MFAP3: variants seen among roughly 807,000 people sequenced by gnomAD.
MFAP3 encodes the protein microfibril-associated glycoprotein 3.
In MFAP3, 8 loss-of-function variants were observed where a neutral mutation model predicts 20.5. The ratio of observed to expected loss-of-function variants is 0.39; its 90% CI spans 0.23 to 0.70. MFAP3 has a LOEUF of 0.70. MFAP3 is among the 30% of genes least tolerant of loss of function. MFAP3 has a pLI of 0.44. For synonymous variants in MFAP3, 140 were observed against 154.0 expected (o/e 0.91, Z 0.67); for missense variants, 398 against 444.6 (o/e 0.90, Z 0.94).
chr5:154,053,623 C>A lies in MFAP3; in HGVS notation c.999C>A (p.Gly333=), dbSNP rs377547695. The A allele has an allele frequency of 4.2e-5, 68 of 1,613,816 alleles. No homozygotes were observed. Among genetic ancestry groups the A allele is most frequent in the Non-Finnish European group, 5.7e-5 (67 of 1,179,914 alleles). Residue 333 remains glycine, a synonymous_variant, in exon 3 of 3, where the codon GGC becomes GGA. Coordinates refer to ENST00000522782, the MANE Select transcript of MFAP3 (RefSeq NM_005927.5). Reference sequence around the variant, plus strand: ...AAAGTATTGATACAGAGTCTCAAGGCAGCAGTCATTTCAGTCCACCTGATG... The same window carrying A: ...AAAGTATTGATACAGAGTCTCAAGGAAGCAGTCATTTCAGTCCACCTGATG... ...ETKSIDTESQ[G]SSHFSPPDDI... is the part of the protein sequence containing the mutation.
At position 154,053,499 on chromosome 5, in the gene MFAP3, G is replaced by C. The variant is rs369100665; in HGVS notation, c.875G>C (p.Arg292Pro). ...GIYVINPEMG[R>P]SNSPGGDSDD... Reference sequence around the variant, plus strand: ...TATGTCATTAACCCAGAGATGGGACGGAGTAATTCACCAGGAGGAGATTCA... The same window carrying C: ...TATGTCATTAACCCAGAGATGGGACCGAGTAATTCACCAGGAGGAGATTCA... The change falls in exon 3 of 3, where the codon CGG (arginine) becomes CCG (proline). Residue 292 changes from arginine (R) to proline (P), a missense_variant. Physicochemically the swap from Arg to Pro is moderately radical, Grantham distance 103. Transcript: ENST00000522782. 6.2e-7 allele frequency: 1 copy of C among 1,613,726 alleles called. No individual in the cohort carries two copies. Among genetic ancestry groups the C allele is most frequent in the Non-Finnish European group, 8.5e-7 (1 of 1,179,944 alleles).
At chr5:154,043,441 C>T (rs955813049) in intron 1 of MFAP3, among the ~76,000 whole-genome samples, 1 of 151,986 alleles carries the variant, frequency 6.6e-6, no homozygotes, top group African/African-American at 2.4e-5. Flanking sequence ...ATCCCAGTTA[C>T]TTGCGAGGCT....
chr5:154,053,754 T>G lies in MFAP3; in HGVS notation c.*41T>G. 1 of 1,524,510 alleles carries G rather than the reference T, an allele frequency of 6.6e-7. No individual in the cohort carries two copies. Among genetic ancestry groups the G allele is most frequent in the South Asian group, 1.3e-5 (1 of 77,750 alleles). 94.4% of individuals were successfully genotyped at this position (1,524,510 alleles called of 1,614,324 possible). A position where few individuals can be genotyped will look rare whatever the true frequency, so the allele number is the denominator to read the frequency against. On this transcript the variant is annotated 3_prime_UTR_variant, in exon 3 of 3. Transcript: ENST00000522782. Reference sequence around the variant, plus strand: ...CCCAGTACCTACAAAATCAGCTCGCTCTCAGAAAAGGAACCTGTTTCTTAG... The same window carrying G: ...CCCAGTACCTACAAAATCAGCTCGCGCTCAGAAAAGGAACCTGTTTCTTAG...
At position 154,049,934 on chromosome 5, in the gene MFAP3, T is replaced by A. The variant is rs758486016; in HGVS notation, c.212T>A (p.Ile71Asn). The A allele has an allele frequency of 1.2e-6, 2 of 1,613,516 alleles. No individual in the cohort carries two copies. The highest frequency in any genetic ancestry group is 1.1e-5 in the South Asian group (1 of 91,076). Reference protein sequence around the residue: ...IIAKEGTSVSIECLLTASHYE... With the variant: ...IIAKEGTSVSNECLLTASHYE... ...GCCAAAGAGGGAACTAGCGTTTCAATTGAGTGTCTTCTCACAGCCAGTCAC... is the reference window on the plus strand; with the variant it reads ...GCCAAAGAGGGAACTAGCGTTTCAAATGAGTGTCTTCTCACAGCCAGTCAC... The change falls in exon 2 of 3, where the codon ATT becomes AAT. Residue 71 changes from isoleucine to asparagine, a missense_variant. By Grantham distance (149) the Ile-to-Asn change is moderately radical. Coordinates refer to ENST00000522782, the MANE Select transcript of MFAP3 (RefSeq NM_005927.5).
chr5:154,040,325 C>T (rs1325999387), intron 1 of MFAP3, among the ~76,000 whole-genome samples: 2 of 152,068 alleles, frequency 1.3e-5, no homozygotes, highest in African/African-American at 4.8e-5. Context: ...AGGATATTTT[C>T]CAAAATGAAA....
intron 1 of MFAP3, among the ~76,000 whole-genome samples, chr5:154,047,165 G>A (rs1773085433): frequency 6.6e-6 from 1 of 152,236 alleles, no homozygotes; most frequent in South Asian, 2.1e-4. Flanking sequence ...TGCACCTGAA[G>A]AATAGGTGCT....
rs772493703 is a variant in MFAP3, at chr5:154,053,304, A to G, written c.680A>G (p.Glu227Gly). 1 of 1,614,002 alleles carries G rather than the reference A, an allele frequency of 6.2e-7. No individual in the cohort carries two copies. Among genetic ancestry groups the G allele is most frequent in the Non-Finnish European group, 8.5e-7 (1 of 1,179,932 alleles). ...LAKVTQFKTM[E>G]FARYIEELAR... ...AAAGTCACACAATTTAAGACCATGG[A>G]GTTTGCTCGTTATATTGAAGAACTG... is the stretch of plus-strand genomic sequence containing the variant. Residue 227 changes from glutamate (E) to glycine (G), a missense_variant, in exon 3 of 3, where the codon GAG becomes GGG. Transcript: ENST00000522782.
intron 1 of MFAP3, among the ~76,000 whole-genome samples, chr5:154,043,798 T>C (rs1246233243): frequency 1.3e-5 from 2 of 151,964 alleles, no homozygotes; most frequent in Non-Finnish European, 2.9e-5. Context: ...GCATCTAATA[T>C]ACCTGCCTTA....
chr5:154,042,613 C>A (rs1408265294), intron 1 of MFAP3, among the ~76,000 whole-genome samples: 7 of 152,112 alleles, frequency 4.6e-5, no homozygotes, highest in African/African-American at 1.7e-4. Flanking sequence ...TTATTCTTTG[C>A]AAAGGGTAGG....
Position 154,053,651 on chromosome 5 carries a change from A to G in MFAP3, c.1027A>G (p.Ile343Val). 4 of 1,613,952 alleles carry G rather than the reference A, an allele frequency of 2.5e-6. No individual in the cohort carries two copies. Among genetic ancestry groups the G allele is most frequent in the Non-Finnish European group, 3.4e-6 (4 of 1,179,900 alleles). Residue 343 changes from isoleucine (I) to valine (V), a missense_variant, in exon 3 of 3, where the codon ATA becomes GTA. Transcript: ENST00000522782. ...GSSHFSPPDD[I>V]GSAESNCNYK... Reference sequence around the variant, plus strand: ...CAGTCATTTCAGTCCACCTGATGATATAGGATCTGCAGAATCTAACTGTAA... The same window carrying G: ...CAGTCATTTCAGTCCACCTGATGATGTAGGATCTGCAGAATCTAACTGTAA...
chr5:154,051,450 G>A (rs1773190947), intron 2 of MFAP3, among the ~76,000 whole-genome samples: 1 of 152,188 alleles, frequency 6.6e-6, no homozygotes, highest in Non-Finnish European at 1.5e-5. Flanking sequence ...TAAATTTTAT[G>A]AATCTCAAGT....
intron 1 of MFAP3, among the ~76,000 whole-genome samples, chr5:154,045,130 C>T (rs1424720601): frequency 6.6e-6 from 1 of 152,114 alleles, no homozygotes; most frequent in Middle Eastern, 3.2e-3. Flanking sequence ...TCAGCCCCCA[C>T]ATGCCTCCTT....
At chr5:154,047,873 G>A (rs1251141484) in intron 1 of MFAP3, among the ~76,000 whole-genome samples, 1 of 152,122 alleles carries the variant, frequency 6.6e-6, no homozygotes, top group African/African-American at 2.4e-5. Context: ...CATTTTTTCA[G>A]CACACTCATA....
Position 154,053,759 on chromosome 5 carries a change from GA to G in MFAP3, c.*50del, listed in dbSNP as rs1254777062. 2.7e-6 allele frequency: 4 copies of G among 1,503,546 alleles called. No homozygotes were observed. The Admixed American group carries it at 6.5e-5, about 24-fold the overall frequency. The allele number at this position is 1,503,546 out of a possible 1,614,324, so 93.1% of individuals were successfully genotyped here. ...TACCTACAAAATCAGCTCGCTCTCA[GA>G]AAAGGAACCTGTTTCTTAGAAGAAG... On this transcript the variant is annotated 3_prime_UTR_variant, in exon 3 of 3. Transcript: ENST00000522782.
rs1001069324 is a variant in MFAP3, at chr5:154,055,697, C to T, written c.*1984C>T. 1.3e-5 allele frequency among the ~76,000 whole-genome samples: 2 copies of T among 152,146 alleles called. No individual in the cohort carries two copies. The highest frequency in any genetic ancestry group is 2.9e-5 in the Non-Finnish European group (2 of 68,034). On this transcript the variant is annotated 3_prime_UTR_variant, in exon 3 of 3. Coordinates refer to ENST00000522782, the MANE Select transcript of MFAP3 (RefSeq NM_005927.5). ...CATAGCTCACTGCAGCCTCCAACTC[C>T]TGGGGTCAAGCGATCGTCCTGCTTC...
At chr5:154,039,370 G>C (rs1772843079) in intron 1 of MFAP3, 1 of 152,188 alleles carries the variant, frequency 6.6e-6, no homozygotes, top group African/African-American at 2.4e-5. Flanking sequence ...AGAGTAATAA[G>C]CCGTATGAAA....
intron 1 of MFAP3, among the ~76,000 whole-genome samples, chr5:154,047,055 C>T (rs1474685257): frequency 1.3e-5 from 2 of 152,118 alleles, no homozygotes; most frequent in Non-Finnish European, 2.9e-5. Flanking sequence ...TTTTTGTGAA[C>T]AACTCCTGAC....
chr5:154,055,734 C>T lies in MFAP3; in HGVS notation c.*2021C>T, dbSNP rs1773314245. ...GATCGTCCTGCTTCAGCCTCCCAAG[C>T]AGCTAGGACTACAGGTGTGCACCAC... On this transcript the variant is annotated 3_prime_UTR_variant, in exon 3 of 3. Transcript: ENST00000522782. Among the ~76,000 whole-genome samples, 1 of 152,040 alleles carries T rather than the reference C, an allele frequency of 6.6e-6. No individual in the cohort carries two copies. Among genetic ancestry groups the T allele is most frequent in the Non-Finnish European group, 1.5e-5 (1 of 67,996 alleles).
chr5:154,052,890 A>T (rs76228499), intron 2 of MFAP3, 30 bp from the exon 3 acceptor site: 4 of 1,502,474 alleles, frequency 2.7e-6, no homozygotes, highest in Non-Finnish European at 3.6e-6. Flanking sequence ...TTTTGCTATA[A>T]TTTTTTTTTC....
Sources: gnomAD v4.1 joint callset for allele counts (sites outside exome capture counted in the v4.1 genomes callset) on GRCh38, gnomAD v4.1.1 for gene constraint, MANE v1.5 for transcripts, NCBI Gene and HGNC (gene_info 2026-07-23, HGNC 2026-07-21) for gene names.